RBPMS: variants seen among roughly 807,000 people sequenced by gnomAD.
RBPMS encodes RNA-binding protein with multiple splicing.
A neutral mutation model predicts 26.8 loss-of-function variants in RBPMS; 7 were observed. The ratio of observed to expected loss-of-function variants is 0.26; its 90% CI spans 0.15 to 0.49. RBPMS has a LOEUF of 0.49. Ranked by LOEUF, RBPMS falls within the 20% of genes least tolerant of loss-of-function variation. The probability of loss-of-function intolerance (pLI) is 0.98; values close to 1 mark genes in which losing one functional copy is unlikely to be tolerated. For synonymous variants in RBPMS, 96 were observed against 93.3 expected (o/e 1.03, Z -0.17); for missense variants, 186 against 250.0 (o/e 0.74, Z 1.73).
chr8:30,561,010 CGTGT>C (rs1827428909), intron 7 of RBPMS, among the ~76,000 whole-genome samples: 1 of 152,072 alleles, frequency 6.6e-6, no homozygotes, highest in Non-Finnish European at 1.5e-5. Flanking sequence ...AATTACATGT[CGTGT>C]GTGTGCGCGC....
intron 4 of RBPMS, among the ~76,000 whole-genome samples, chr8:30,482,742 A>G (rs1818407071): frequency 6.6e-6 from 1 of 152,164 alleles, no homozygotes; most frequent in African/African-American, 2.4e-5. Context: ...ACATCATTAA[A>G]AACCCCTCCT....
chr8:30,468,792 C>T (rs1045069663), intron 1 of RBPMS, among the ~76,000 whole-genome samples: 1 of 152,158 alleles, frequency 6.6e-6, no homozygotes, highest in East Asian at 1.9e-4. Flanking sequence ...TTCAAACATA[C>T]AGCACATTTA....
chr8:30,497,328 A>T (rs1427120636), intron 4 of RBPMS, among the ~76,000 whole-genome samples: 1 of 152,164 alleles, frequency 6.6e-6, no homozygotes, highest in Admixed American at 6.6e-5. Flanking sequence ...AGATCACTTG[A>T]GGTCAGGAGT....
chr8:30,516,903 T>TACACACACACACACAC (rs139256402), intron 5 of RBPMS, among the ~76,000 whole-genome samples: 3,535 of 147,224 alleles, frequency 0.024, 58 homozygotes, highest in Non-Finnish European at 0.028. Flanking sequence ...CATCTCTAAA[T>TACACACACACACACAC]ACACACACAC....
chr8:30,541,944 A>G (rs2979514), intron 5 of RBPMS, among the ~76,000 whole-genome samples: 1 of 152,190 alleles, frequency 6.6e-6, no homozygotes, highest in South Asian at 2.1e-4. Context: ...GAGAGTGCTC[A>G]GGCTCATACT....
At chr8:30,423,317 G>C (rs2979489) in intron 1 of RBPMS, among the ~76,000 whole-genome samples, 3 of 152,074 alleles carry the variant, frequency 2.0e-5, no homozygotes, top group African/African-American at 7.2e-5. Context: ...GTGGATATTT[G>C]TAGGTCACCA....
intron 1 of RBPMS, among the ~76,000 whole-genome samples, chr8:30,455,926 C>A (rs1168886030): frequency 6.6e-6 from 1 of 152,012 alleles, no homozygotes; most frequent in African/African-American, 2.4e-5. Flanking sequence ...AAAGACAATG[C>A]TTTTATTCGG....
intron 7 of RBPMS, among the ~76,000 whole-genome samples, chr8:30,560,537 G>A (rs901435186): frequency 3.3e-5 from 5 of 152,142 alleles, no homozygotes; most frequent in African/African-American, 1.2e-4. Context: ...AGCTAAAATT[G>A]TATCTACTCT....
chr8:30,499,302 A>G (rs1045187363), intron 4 of RBPMS, among the ~76,000 whole-genome samples: 16 of 152,218 alleles, frequency 1.1e-4, no homozygotes, highest in African/African-American at 3.6e-4. Context: ...AGATTACTAA[A>G]GCACCATTTG....
chr8:30,434,675 G>A (rs1257390952), intron 1 of RBPMS, among the ~76,000 whole-genome samples: 1 of 148,884 alleles, frequency 6.7e-6, no homozygotes, highest in African/African-American at 2.5e-5. Flanking sequence ...CTGCACTCCA[G>A]CCTGGGAGAC....
At chr8:30,456,737 T>G (rs1288648248) in intron 1 of RBPMS, among the ~76,000 whole-genome samples, 2 of 152,180 alleles carry the variant, frequency 1.3e-5, no homozygotes, top group East Asian at 1.9e-4. Flanking sequence ...CTGGCCAAGA[T>G]AGTGAAACCC....
intron 2 of RBPMS, among the ~76,000 whole-genome samples, chr8:30,476,096 T>C (rs1180783230): frequency 6.6e-6 from 1 of 152,104 alleles, no homozygotes; most frequent in Non-Finnish European, 1.5e-5. Flanking sequence ...TGTTTTGGGG[T>C]GTATAGAGAG....
intron 1 of RBPMS, among the ~76,000 whole-genome samples, chr8:30,435,608 T>C (rs1250861307): frequency 6.6e-6 from 1 of 152,068 alleles, no homozygotes; most frequent in Non-Finnish European, 1.5e-5. Context: ...ACTGTGTTGG[T>C]GATATACACA....
intron 4 of RBPMS, 148 bp downstream of exon 4, chr8:30,479,525 G>T: frequency 1.4e-6 from 1 of 691,144 alleles, no homozygotes. Context: ...ACTCTAAAGA[G>T]CTTTTTCCAA....
intron 1 of RBPMS, among the ~76,000 whole-genome samples, chr8:30,472,173 T>G (rs1245493474): frequency 6.6e-6 from 1 of 152,234 alleles, no homozygotes; most frequent in African/African-American, 2.4e-5. Flanking sequence ...AACATGTGAA[T>G]GGATAAACTG....
At chr8:30,566,698 C>T (rs1394322585) in intron 8 of RBPMS, among the ~76,000 whole-genome samples, 1 of 152,206 alleles carries the variant, frequency 6.6e-6, no homozygotes, top group East Asian at 1.9e-4. Context: ...AAGCTTTTCC[C>T]TTTAAGCATC....
intron 1 of RBPMS, among the ~76,000 whole-genome samples, chr8:30,466,457 A>C (rs1312606658): frequency 6.6e-6 from 1 of 152,060 alleles, no homozygotes; most frequent in Non-Finnish European, 1.5e-5. Context: ...GAGGTGGGAG[A>C]ATCACTTGAG....
intron 1 of RBPMS, among the ~76,000 whole-genome samples, chr8:30,408,532 C>T (rs894791848): frequency 5.3e-5 from 8 of 152,062 alleles, no homozygotes; most frequent in African/African-American, 1.7e-4. Flanking sequence ...GTCTCAAAAA[C>T]AAAACGAACA....
intron 5 of RBPMS, among the ~76,000 whole-genome samples, chr8:30,523,639 A>G (rs188348539): frequency 6.6e-6 from 1 of 151,612 alleles, no homozygotes. Context: ...AACTGTAAAG[A>G]TAAATCTAAC....
Sources: gnomAD v4.1 joint callset for allele counts (sites outside exome capture counted in the v4.1 genomes callset) on GRCh38, gnomAD v4.1.1 for gene constraint, MANE v1.5 for transcripts, NCBI Gene and HGNC (gene_info 2026-07-23, HGNC 2026-07-21) for gene names.